The following CNNM2 variants were observed in gnomAD, a reference collection of about 807,000 sequenced individuals.
CNNM2 encodes cyclin and CBS domain divalent metal cation transport mediator 2, also known as metal transporter CNNM2.
In CNNM2, 12 loss-of-function variants were observed where a neutral mutation model predicts 66.9. The ratio of observed to expected loss-of-function variants is 0.18; its 90% CI spans 0.11 to 0.29. The LOEUF is 0.29. Among genes scored for constraint, CNNM2 ranks in the 10% least tolerant of loss-of-function variants. The pLI, the probability that CNNM2 is intolerant of heterozygous loss-of-function variation, is 1.00. For synonymous variants in CNNM2, 557 were observed against 501.8 expected (o/e 1.11, Z -1.47); for missense variants, 705 against 1,167.7 (o/e 0.60, Z 5.77).
chr10:102,989,925 TCTTA>T (rs1031995824), intron 1 of CNNM2, among the ~76,000 whole-genome samples: 27 of 152,062 alleles, frequency 1.8e-4, no homozygotes, highest in African/African-American at 4.8e-4. Context: ...TATAACAGCC[TCTTA>T]CTTTTCATAT....
At chr10:103,047,778 T>G (rs1028242026) in intron 1 of CNNM2, among the ~76,000 whole-genome samples, 1 of 152,212 alleles carries the variant, frequency 6.6e-6, no homozygotes, top group Admixed American at 6.5e-5. Flanking sequence ...TATACAGATC[T>G]TCAAAATGTT....
intron 6 of CNNM2, among the ~76,000 whole-genome samples, chr10:103,073,660 G>C (rs1029784375): frequency 4.0e-5 from 6 of 151,836 alleles, no homozygotes; most frequent in Non-Finnish European, 2.9e-5. Context: ...AGGAGATCGA[G>C]ACCATCCTGG....
rs2065827536 is a variant in CNNM2, at chr10:103,087,140, A to ATTGTT, written c.*9962_*9963insGTTTT. ...TTCTCACGGTATAAAACTCCGCAGG[A>ATTGTT]TTTTTTTTTTTTTTTTTTTTTTTTT... On this transcript the variant is annotated 3_prime_UTR_variant, in exon 8 of 8. Coordinates refer to ENST00000369878, the MANE Select transcript of CNNM2 (RefSeq NM_017649.5). 1 of 75,374 alleles carries ATTGTT rather than the reference A, an allele frequency of 1.3e-5. No homozygotes were observed. 4.7% of individuals were successfully genotyped at this position (75,374 alleles called of 1,614,324 possible).
In CNNM2 at chr10:103,077,068, T is replaced by C; in HGVS notation, c.2516T>C (p.Leu839Pro). Reference sequence around the variant, plus strand: ...GAAAACACTAAAATCGAATTGACTCTTACGGAGCTGCATGACGGGTTGCCA... The same window carrying C: ...GAAAACACTAAAATCGAATTGACTCCTACGGAGCTGCATGACGGGTTGCCA... ...DSENTKIELT[L>P]TELHDGLPDE... The change falls in exon 8 of 8, where the codon CTT becomes CCT. Residue 839 changes from leucine to proline, a missense_variant. This residue lies in a region of CNNM2 where 194 missense variants were observed against 227.6 expected (regional missense o/e 0.85). Transcript: ENST00000369878. The C allele has an allele frequency of 6.2e-7, 1 of 1,613,930 alleles. No individual in the cohort carries two copies. Among genetic ancestry groups the C allele is most frequent in the Non-Finnish European group, 8.5e-7 (1 of 1,179,874 alleles).
At chr10:102,957,255 G>A (rs1048448513) in intron 1 of CNNM2, among the ~76,000 whole-genome samples, 17 of 152,250 alleles carry the variant, frequency 1.1e-4, no homozygotes, top group African/African-American at 2.9e-4. Flanking sequence ...GCAGTGAGCC[G>A]AGATTGCACC....
rs75760194 is a variant in CNNM2, at chr10:103,056,488, G to A, written c.1904-307G>A. ...TATGGCTTGTTGAGGGGCATCCCCC[G>A]CACTCAAGGAGCCCGCTTGCCGTTG... On this transcript the variant is annotated intron_variant, in intron 3 of 7. Transcript: ENST00000369878. 0.012 allele frequency among the ~76,000 whole-genome samples: 1,869 copies of A among 152,274 alleles called. 36 individuals are homozygous for A. Among genetic ancestry groups the A allele is most frequent in the African/African-American group, 0.042 (1,735 of 41,554 alleles).
rs2065993674 is a variant in CNNM2, at chr10:103,088,597, G to A, written c.*11417G>A. On this transcript the variant is annotated 3_prime_UTR_variant, in exon 8 of 8. Transcript: ENST00000369878. ...AGATGGGGTTTCTCCATGTTGGTAA[G>A]GCTGGTCTCGAACTCCCGACCTCAG... 1 of 158,628 alleles carries A rather than the reference G, an allele frequency of 6.3e-6. No homozygotes were observed. The highest frequency in any genetic ancestry group is 2.4e-5 in the African/African-American group (1 of 41,638). The allele number at this position is 158,628 out of a possible 1,614,324, so 9.8% of individuals were successfully genotyped here.
intron 1 of CNNM2, among the ~76,000 whole-genome samples, chr10:102,920,569 T>C (rs1845592105): frequency 6.6e-6 from 1 of 152,154 alleles, no homozygotes; most frequent in Non-Finnish European, 1.5e-5. Flanking sequence ...TTCTCCTCCT[T>C]AAACATCCAC....
chr10:103,086,495 G>C lies in CNNM2; in HGVS notation c.*9315G>C, dbSNP rs1275334392. ...AGGCTATTCGTGGTGAATAAGCAGA[G>C]TATTTATTTTAAAATGACCAGGCAG... On this transcript the variant is annotated 3_prime_UTR_variant, in exon 8 of 8. Coordinates refer to ENST00000369878, the MANE Select transcript of CNNM2 (RefSeq NM_017649.5). 1 of 152,182 alleles carries C rather than the reference G, an allele frequency of 6.6e-6. No homozygotes were observed. Among genetic ancestry groups the C allele is most frequent in the Non-Finnish European group, 1.5e-5 (1 of 68,032 alleles). The allele number at this position is 152,182 out of a possible 1,614,324, so 9.4% of individuals were successfully genotyped here.
intron 1 of CNNM2, among the ~76,000 whole-genome samples, chr10:102,979,296 A>G (rs1165273222): frequency 3.3e-5 from 5 of 152,114 alleles, no homozygotes; most frequent in African/African-American, 9.7e-5. Flanking sequence ...TGGTTTATCA[A>G]CTCACTCAAT....
rs2064081407 is a variant in CNNM2, at chr10:102,999,806, A to AG, written c.1622-49898dup. Among the ~76,000 whole-genome samples, 4 of 152,362 alleles carry AG rather than the reference A, an allele frequency of 2.6e-5. No individual in the cohort carries two copies. In the South Asian group the frequency reaches 8.3e-4, roughly 32 times the overall value. On this transcript the variant is annotated intron_variant, in intron 1 of 7. Transcript: ENST00000369878. The stretch of plus-strand genomic sequence containing the variant: ...GTAAAGATTCTTATCACTAATCACT[A>AG]GGGAAATGCAAATTAAAACTTTAAT...
rs11191530 is a variant in CNNM2, at chr10:103,040,287, T to C, written c.1622-9420T>C. Among the ~76,000 whole-genome samples the C allele has an allele frequency of 0.12, 17,809 of 151,734 alleles. 1,191 individuals carry two copies. Among genetic ancestry groups the C allele is most frequent in the Non-Finnish European group, 0.15 (9,938 of 67,926 alleles). On this transcript the variant is annotated intron_variant, in intron 1 of 7. Transcript: ENST00000369878. ...AGGCTTCCTGGTATGGGTGATATTA[T>C]GTGTGGAATTAAGAGCAAGGTAAAA...
chr10:103,008,898 A>G (rs998484917), intron 1 of CNNM2, among the ~76,000 whole-genome samples: 2 of 151,990 alleles, frequency 1.3e-5, no homozygotes, highest in Non-Finnish European at 2.9e-5. Context: ...TTATAATTGT[A>G]GTATAGTTTA....
intron 1 of CNNM2, among the ~76,000 whole-genome samples, chr10:102,923,475 G>C (rs1379525202): frequency 6.6e-6 from 1 of 152,140 alleles, no homozygotes; most frequent in Admixed American, 6.6e-5. Context: ...AGGTCTTTGT[G>C]ACACCAGAAC....
Position 103,076,160 on chromosome 10 carries a change from G to T in CNNM2, c.2308G>T (p.Ala770Ser). 1 of 1,607,924 alleles carries T rather than the reference G, an allele frequency of 6.2e-7. No homozygotes were observed. Among genetic ancestry groups the T allele is most frequent in the Non-Finnish European group, 8.5e-7 (1 of 1,177,258 alleles). ...TCTCAGTCGAAGCGACCGGATTGAC[G>T]CCGTCACACCAACACTGGGGAGCAG... ...DSLSRSDRID[A>S]VTPTLGSSNN... The change falls in exon 7 of 8, where the codon GCC becomes TCC. Residue 770 changes from alanine (A) to serine (S), a missense_variant. Ala to Ser is a moderately conservative substitution (Grantham distance 99). Around this residue, in one of 9 missense-constraint regions of CNNM2, gnomAD observed 194 missense variants for 227.6 expected, o/e 0.85. Transcript: ENST00000369878.
At chr10:102,967,492 CTTT>C (rs2063482385) in intron 1 of CNNM2, among the ~76,000 whole-genome samples, 1 of 152,180 alleles carries the variant, frequency 6.6e-6, no homozygotes, top group Non-Finnish European at 1.5e-5. Flanking sequence ...ATAGATTTGA[CTTT>C]TCTAGAAATT....
chr10:103,061,602 C>A (rs2065387730), intron 4 of CNNM2, among the ~76,000 whole-genome samples: 1 of 152,142 alleles, frequency 6.6e-6, no homozygotes, highest in African/African-American at 2.4e-5. Context: ...AAAAAACTCA[C>A]AATTTCTATA....
rs202176723 is a variant in CNNM2 at position 103,077,145 on chromosome 10, G to A, written c.2593G>A (p.Ala865Thr). 1.3e-4 allele frequency: 213 copies of A among 1,613,564 alleles called. No individual in the cohort carries two copies. Among genetic ancestry groups the A allele is most frequent in the Middle Eastern group, 5.1e-4 (3 of 5,904 alleles). ...NEQNCVTHSK[A>T]NHSLHNEGAI is the part of the protein sequence containing the mutation. The stretch of plus-strand genomic sequence containing the variant: ...ACAGAACTGTGTGACGCACAGTAAG[G>A]CCAACCACAGCCTGCACAACGAAGG... The change falls in exon 8 of 8, where the codon GCC becomes ACC. Residue 865 changes from alanine (A) to threonine (T), a missense_variant. Coordinates refer to ENST00000369878, the MANE Select transcript of CNNM2 (RefSeq NM_017649.5).
intron 1 of CNNM2, among the ~76,000 whole-genome samples, chr10:102,923,032 G>C (rs1188838135): frequency 6.6e-6 from 1 of 152,056 alleles, no homozygotes; most frequent in Admixed American, 6.6e-5. Context: ...GAATTAGTCT[G>C]AGTTGTTCTT....
Sources: allele counts gnomAD v4.1 joint callset (sites outside exome capture counted in the v4.1 genomes callset), GRCh38; gene constraint gnomAD v4.1.1; regional missense constraint gnomAD v4.1.1; transcripts MANE v1.5; gene names NCBI Gene and HGNC (gene_info 2026-07-23, HGNC 2026-07-21).